The following MIB1 variants were observed in gnomAD, a reference collection of about 807,000 sequenced individuals.
MIB1 encodes E3 ubiquitin-protein ligase MIB1.
MIB1 carries 278 observed loss-of-function variants against 124.5 expected under a neutral mutation model. The ratio of observed to expected loss-of-function variants is 2.23; its 90% CI spans 2.02 to 2.47. The LOEUF (loss-of-function observed/expected upper bound fraction) is 2.47, where lower values mean the gene tolerates loss of function less well. Among genes scored for constraint, MIB1 ranks in the 30% most tolerant of loss-of-function variants. The pLI, the probability that MIB1 is intolerant of heterozygous loss-of-function variation, is 0.00. For synonymous variants in MIB1, 446 were observed against 429.4 expected, an observed-to-expected ratio of 1.04 and a Z score of -0.48; for missense variants, 957 against 1,254.4, an observed-to-expected ratio of 0.76 and a Z score of 3.58.
At chr18:21,738,507 C>A (rs2040805409), upstream of MIB1, among the ~76,000 whole-genome samples, 1 of 151,982 alleles carries the variant, frequency 6.6e-6, no homozygotes, top group Admixed American at 6.6e-5. Context: ...TCTAGCATCA[C>A]AATTAAAATA....
intron 1 of MIB1, among the ~76,000 whole-genome samples, chr18:21,750,087 T>C (rs780036407): frequency 2.6e-5 from 4 of 152,144 alleles, no homozygotes; most frequent in Admixed American, 1.3e-4. Context: ...TTTTTTTGCA[T>C]GTAGAAAAAC....
chr18:21,768,834 C>A, intron 3 of MIB1, 82 bp downstream of exon 3: 1 of 1,234,306 alleles, frequency 8.1e-7, no homozygotes, highest in Non-Finnish European at 1.1e-6. Flanking sequence ...AAATGAATTT[C>A]TTGGTCCATT....
intron 8 of MIB1, among the ~76,000 whole-genome samples, chr18:21,799,522 A>T (rs1445068044): frequency 6.6e-6 from 1 of 151,816 alleles, no homozygotes; most frequent in Non-Finnish European, 1.5e-5. Context: ...TCATTGTGGT[A>T]CTCCCATGGT....
intron 1 of MIB1, among the ~76,000 whole-genome samples, chr18:21,761,499 G>T (rs979151542): frequency 3.9e-5 from 6 of 152,102 alleles, no homozygotes; most frequent in Non-Finnish European, 7.3e-5. Flanking sequence ...TGGAGGAGAG[G>T]CATGCCGGAT....
upstream of MIB1, among the ~76,000 whole-genome samples, chr18:21,739,711 C>T (rs982651110): frequency 6.6e-6 from 1 of 151,744 alleles, no homozygotes; most frequent in Non-Finnish European, 1.5e-5. Context: ...TGAGATATAT[C>T]CCCCAAGAAG....
chr18:21,815,984 G>GT (rs747928694), intron 11 of MIB1, among the ~76,000 whole-genome samples, 171 bp downstream of exon 11: 91 of 150,832 alleles, frequency 6.0e-4, no homozygotes, highest in East Asian at 5.2e-3. Context: ...TTAAAAAGTT[G>GT]TTTTTTTTTA....
chr18:21,844,327 T>C (rs2042117342), intron 15 of MIB1, 74 bp downstream of exon 15: 1 of 1,424,722 alleles, frequency 7.0e-7, no homozygotes, highest in Non-Finnish European at 9.7e-7. Flanking sequence ...TTACTGGTAA[T>C]CTAACCTGTA....
chr18:21,785,108 A>T (rs1160874998), intron 6 of MIB1, among the ~76,000 whole-genome samples: 1 of 152,188 alleles, frequency 6.6e-6, no homozygotes, highest in African/African-American at 2.4e-5. Flanking sequence ...TGCCTCGGCT[A>T]CCAAAATAGG....
At chr18:21,784,703 AAG>A (rs1390815907) in intron 6 of MIB1, among the ~76,000 whole-genome samples, 2 of 152,146 alleles carry the variant, frequency 1.3e-5, no homozygotes, top group East Asian at 1.9e-4. Context: ...ACCAGAAGAG[AAG>A]AGTGTGAGCC....
intron 1 of MIB1, among the ~76,000 whole-genome samples, chr18:21,721,288 C>T (rs1345808882): frequency 2.9e-5 from 4 of 138,510 alleles, no homozygotes; most frequent in Non-Finnish European, 6.1e-5. Flanking sequence ...TCAAGTGATT[C>T]TCCTGCCTCA....
In MIB1 at chr18:21,867,032, G is replaced by C. The variant is rs7449; in HGVS notation, c.*2366G>C. 102,779 of 152,396 alleles carry C rather than the reference G, an allele frequency of 0.67. 36,006 individuals carry two copies. Among genetic ancestry groups the C allele is most frequent in the Non-Finnish European group, 0.77 (52,623 of 67,986 alleles). 9.4% of individuals were successfully genotyped at this position (152,396 alleles called of 1,614,324 possible). A position where few individuals can be genotyped will look rare whatever the true frequency, so the allele number is the denominator to read the frequency against. ...CTTTTCCAGTTAGGTTCGTTACCCT[G>C]CTCATTAGCTAAACCTCTTTATCTT... On this transcript the variant is annotated 3_prime_UTR_variant, in exon 21 of 21. Coordinates refer to ENST00000261537, the MANE Select transcript of MIB1 (RefSeq NM_020774.4).
intron 1 of MIB1, among the ~76,000 whole-genome samples, chr18:21,759,976 A>C (rs2041079979): frequency 6.6e-6 from 1 of 152,200 alleles, no homozygotes; most frequent in South Asian, 2.1e-4. Flanking sequence ...AAGTTGTTAA[A>C]CTCAGGCAAG....
At chr18:21,750,247 G>T (rs2040959348) in intron 1 of MIB1, among the ~76,000 whole-genome samples, 1 of 152,068 alleles carries the variant, frequency 6.6e-6, no homozygotes, top group South Asian at 2.1e-4. Context: ...CTCCTACTGG[G>T]TGCAAGCGAT....
chr18:21,757,203 G>A (rs2041042604), intron 1 of MIB1, among the ~76,000 whole-genome samples: 2 of 151,788 alleles, frequency 1.3e-5, no homozygotes, highest in Non-Finnish European at 2.9e-5. Context: ...TGTAATCCCA[G>A]CACTTTGGGA....
chr18:21,802,191 A>G (rs1029353429), intron 9 of MIB1, among the ~76,000 whole-genome samples: 1 of 152,090 alleles, frequency 6.6e-6, no homozygotes, highest in African/African-American at 2.4e-5. Context: ...CTCAAGCATG[A>G]TGATATTTTG....
chr18:21,795,460 A>G (rs1340138980), intron 7 of MIB1, among the ~76,000 whole-genome samples: 1 of 149,154 alleles, frequency 6.7e-6, no homozygotes. Flanking sequence ...AAAGCAGACA[A>G]TGTAATGATA....
intron 1 of MIB1, among the ~76,000 whole-genome samples, chr18:21,754,257 C>G (rs977038012): frequency 6.6e-6 from 1 of 152,238 alleles, no homozygotes; most frequent in African/African-American, 2.4e-5. Context: ...AGTAGTCCCC[C>G]TTTATCCATC....
chr18:21,858,883 A>C (rs555302438), intron 20 of MIB1, among the ~76,000 whole-genome samples: 2 of 152,376 alleles, frequency 1.3e-5, no homozygotes, highest in Non-Finnish European at 1.5e-5. Context: ...GTGATCAGGA[A>C]ATGAAAACTA....
chr18:21,806,400 C>G (rs2146462944), intron 10 of MIB1, among the ~76,000 whole-genome samples: 1 of 152,062 alleles, frequency 6.6e-6, no homozygotes, highest in East Asian at 1.9e-4. Context: ...GATGGTCTCA[C>G]TATGTTGCCC....
Sources: gnomAD v4.1 joint callset for allele counts (sites outside exome capture counted in the v4.1 genomes callset) on GRCh38, gnomAD v4.1.1 for gene constraint, MANE v1.5 for transcripts, NCBI Gene and HGNC (gene_info 2026-07-23, HGNC 2026-07-21) for gene names.